Variants in NMNAT2 observed in about 807,000 individuals in gnomAD.
The protein encoded by NMNAT2 is nicotinamide/nicotinic acid mononucleotide adenylyltransferase 2.
A neutral mutation model predicts 41.6 loss-of-function variants in NMNAT2; 11 were observed. The observed-to-expected ratio is 0.26, with a 90% CI of 0.17 to 0.44. The LOEUF (loss-of-function observed/expected upper bound fraction) is 0.44, where lower values mean the gene tolerates loss of function less well. Ranked by LOEUF, NMNAT2 falls within the 20% of genes least tolerant of loss-of-function variation. The pLI is 1.00. For missense variants in NMNAT2, 288 were observed against 407.7 expected (o/e 0.71, Z 2.53); for synonymous variants, 148 against 151.2 (o/e 0.98, Z 0.16).
At chr1:183,360,550 A>G (rs1274423834) in intron 1 of NMNAT2, among the ~76,000 whole-genome samples, 1 of 152,218 alleles carries the variant, frequency 6.6e-6, no homozygotes, top group Non-Finnish European at 1.5e-5. Flanking sequence ...AACATCCTCC[A>G]TCTAGGGAGT....
intron 8 of NMNAT2, among the ~76,000 whole-genome samples, chr1:183,273,912 C>T (rs932169369): frequency 8.0e-6 from 1 of 125,554 alleles, no homozygotes; most frequent in Non-Finnish European, 1.6e-5. Flanking sequence ...TCCTCCCTCC[C>T]TCCCTTCTTT....
intron 1 of NMNAT2, among the ~76,000 whole-genome samples, chr1:183,411,716 G>T (rs1557903679): frequency 6.6e-6 from 1 of 152,132 alleles, no homozygotes; most frequent in Non-Finnish European, 1.5e-5. Flanking sequence ...CTCTAGCTGG[G>T]GAGACAGGCA....
chr1:183,294,079 C>T (rs943371310), intron 1 of NMNAT2, among the ~76,000 whole-genome samples: 6 of 152,162 alleles, frequency 3.9e-5, no homozygotes, highest in Admixed American at 1.3e-4. Flanking sequence ...TTAAAACAAG[C>T]GCCTCATTAG....
chr1:183,253,471 C>A (rs1660443757), intron 10 of NMNAT2, among the ~76,000 whole-genome samples: 1 of 151,856 alleles, frequency 6.6e-6, no homozygotes, highest in African/African-American at 2.4e-5. Flanking sequence ...TTAGCAAAAA[C>A]CCTAAATATA....
At chr1:183,281,113 A>C (rs1661256537) in intron 7 of NMNAT2, among the ~76,000 whole-genome samples, 1 of 152,150 alleles carries the variant, frequency 6.6e-6, no homozygotes, top group Non-Finnish European at 1.5e-5. Context: ...TGTGTGGTCC[A>C]AGATAATTCT....
intron 1 of NMNAT2, among the ~76,000 whole-genome samples, chr1:183,374,862 T>A (rs1283274760): frequency 6.6e-6 from 1 of 152,158 alleles, no homozygotes; most frequent in Non-Finnish European, 1.5e-5. Context: ...TCCCTTGTAG[T>A]CAGACTGACC....
rs534099670 is a variant in NMNAT2, at chr1:183,311,555, A to G, written c.86-17762T>C. On this transcript the variant is annotated intron_variant, in intron 1 of 10. Transcript: ENST00000287713. ...CCTGTCCCCAGTCAAGCTCCCTGAC[A>G]GGACCTGCCTACCACTTCTCAGGGG... Among the ~76,000 whole-genome samples the G allele has an allele frequency of 1.8e-3, 272 of 152,284 alleles. 2 individuals are homozygous for G. The highest frequency in any genetic ancestry group is 2.6e-3 in the Non-Finnish European group (180 of 68,022).
chr1:183,366,287 C>T (rs891188394), intron 1 of NMNAT2, among the ~76,000 whole-genome samples: 4 of 152,224 alleles, frequency 2.6e-5, no homozygotes, highest in African/African-American at 7.2e-5. Context: ...CTCTGTGCCT[C>T]ATTTTCTTCC....
chr1:183,325,699 G>A (rs534326773), intron 1 of NMNAT2, among the ~76,000 whole-genome samples: 1 of 152,288 alleles, frequency 6.6e-6, no homozygotes, highest in East Asian at 1.9e-4. Flanking sequence ...TTTCTTAAAT[G>A]TAATTTCAGA....
At position 183,252,602 on chromosome 1, in the gene NMNAT2, G is replaced by T; in HGVS notation, c.*39C>A. On this transcript the variant is annotated 3_prime_UTR_variant, in exon 11 of 11. Transcript: ENST00000287713. ...AGGAGAGAAACAGGGGGCTGACAAA[G>T]ATGGAGGGGCCATTGTGTTGCCGGA... is the stretch of plus-strand genomic sequence containing the variant. 7.3e-7 allele frequency: 1 copy of T among 1,360,942 alleles called. No individual in the cohort carries two copies. Among genetic ancestry groups the T allele is most frequent in the Non-Finnish European group, 1.1e-6 (1 of 948,522 alleles). 84.3% of individuals were successfully genotyped at this position (1,360,942 alleles called of 1,614,324 possible).
chr1:183,298,443 C>G (rs982057659), intron 1 of NMNAT2, among the ~76,000 whole-genome samples: 1 of 152,102 alleles, frequency 6.6e-6, no homozygotes, highest in Non-Finnish European at 1.5e-5. Context: ...AAATGTTAAT[C>G]AATTCAATGA....
intron 1 of NMNAT2, among the ~76,000 whole-genome samples, chr1:183,325,938 T>G (rs998648157): frequency 6.6e-6 from 1 of 152,168 alleles, no homozygotes; most frequent in Non-Finnish European, 1.5e-5. Context: ...GTCCCTGCCA[T>G]GTCCCTGCCA....
intron 1 of NMNAT2, among the ~76,000 whole-genome samples, chr1:183,417,738 T>G (rs1571649645): frequency 1.3e-5 from 2 of 152,264 alleles, no homozygotes; most frequent in East Asian, 3.9e-4. Context: ...GGCACATACA[T>G]GATTTAACTC....
chr1:183,261,337 C>A (rs199879041), intron 8 of NMNAT2, 34 bp from the exon 9 acceptor site: 447 of 1,564,008 alleles, frequency 2.9e-4, no homozygotes, highest in Non-Finnish European at 3.8e-4. Context: ...TTTGGTGAAA[C>A]CCTGATCCCA....
intron 1 of NMNAT2, among the ~76,000 whole-genome samples, chr1:183,407,573 C>G (rs891213441): frequency 1.5e-4 from 23 of 152,062 alleles, no homozygotes; most frequent in African/African-American, 5.6e-4. Context: ...GTGCTGGGCA[C>G]CTTAGGAGAT....
At chr1:183,256,097 T>G in intron 10 of NMNAT2, among the ~76,000 whole-genome samples, 1 of 152,034 alleles carries the variant, frequency 6.6e-6, no homozygotes, top group East Asian at 1.9e-4. Flanking sequence ...TAGCTGTGGG[T>G]TTTTTAAAAA....
At chr1:183,399,012 A>T (rs561118963) in intron 1 of NMNAT2, among the ~76,000 whole-genome samples, 1 of 152,328 alleles carries the variant, frequency 6.6e-6, no homozygotes, top group Admixed American at 6.5e-5. Context: ...CTAGAGAAGC[A>T]AGAGCAAACA....
intron 1 of NMNAT2, among the ~76,000 whole-genome samples, chr1:183,327,622 T>G (rs1414215317): frequency 6.6e-6 from 1 of 151,810 alleles, no homozygotes; most frequent in Admixed American, 6.6e-5. Flanking sequence ...TCCAACGGAG[T>G]GGTGGGTAGG....
At chr1:183,355,107 C>T (rs987404594) in intron 1 of NMNAT2, among the ~76,000 whole-genome samples, 5 of 152,178 alleles carry the variant, frequency 3.3e-5, no homozygotes, top group African/African-American at 1.2e-4. Flanking sequence ...TTCTCCCACT[C>T]CCCTTGCCCC....
Sources: gnomAD v4.1 joint callset for allele counts (sites outside exome capture counted in the v4.1 genomes callset) on GRCh38, gnomAD v4.1.1 for gene constraint, MANE v1.5 for transcripts, NCBI Gene and HGNC (gene_info 2026-07-23, HGNC 2026-07-21) for gene names.